Variants in SPOCK1 observed in about 807,000 individuals in gnomAD.
SPOCK1 encodes the protein SPARC (osteonectin), cwcv and kazal like domains proteoglycan 1.
In SPOCK1, 23 loss-of-function variants were observed where a neutral mutation model predicts 55.3. The ratio of observed to expected loss-of-function variants is 0.42; its 90% CI spans 0.30 to 0.59. The LOEUF is 0.59. SPOCK1 is among the 20% of genes least tolerant of loss of function. The pLI is 0.22. For missense variants in SPOCK1, 499 were observed against 552.5 expected (o/e 0.90, Z 0.97); for synonymous variants, 226 against 221.0 (o/e 1.02, Z -0.20).
chr5:137,006,435 G>A (rs1751249310), intron 6 of SPOCK1, among the ~76,000 whole-genome samples: 1 of 152,128 alleles, frequency 6.6e-6, no homozygotes, highest in African/African-American at 2.4e-5. Context: ...CTTATAAGTT[G>A]TATTCCTAGG....
chr5:137,254,259 T>G (rs1450806762), intron 3 of SPOCK1, among the ~76,000 whole-genome samples: 1 of 152,240 alleles, frequency 6.6e-6, no homozygotes, highest in Non-Finnish European at 1.5e-5. Flanking sequence ...TGGCTTAAAA[T>G]TAGGCATTCT....
chr5:137,328,437 G>C (rs1483066390), intron 2 of SPOCK1, among the ~76,000 whole-genome samples: 1 of 152,210 alleles, frequency 6.6e-6, no homozygotes, highest in African/African-American at 2.4e-5. Flanking sequence ...TCAGGGGAGA[G>C]AGCAAGTCAG....
At chr5:137,434,586 G>A (rs889444920) in intron 2 of SPOCK1, among the ~76,000 whole-genome samples, 4 of 127,332 alleles carry the variant, frequency 3.1e-5, no homozygotes, top group Non-Finnish European at 4.7e-5. Context: ...TGCAAGCTCC[G>A]CCTCCTGGGT....
At chr5:137,175,199 G>T (rs1472218460) in intron 3 of SPOCK1, among the ~76,000 whole-genome samples, 4 of 152,190 alleles carry the variant, frequency 2.6e-5, no homozygotes, top group Admixed American at 2.6e-4. Context: ...TGGAAAAGAG[G>T]GTGTTAGGAG....
intron 5 of SPOCK1, among the ~76,000 whole-genome samples, chr5:137,081,780 T>C (rs186806578): frequency 1.4e-4 from 22 of 152,366 alleles, no homozygotes; most frequent in African/African-American, 5.3e-4. Flanking sequence ...GATGCTGTAG[T>C]GCTGAACGAA....
chr5:137,406,490 G>A (rs76590937), intron 2 of SPOCK1, among the ~76,000 whole-genome samples: 2,101 of 152,240 alleles, frequency 0.014, 46 homozygotes, highest in African/African-American at 0.047. Context: ...AGTCTATCCC[G>A]AGCACTGGAT....
At chr5:137,479,169 C>T (rs1223650755) in intron 2 of SPOCK1, among the ~76,000 whole-genome samples, 2 of 151,788 alleles carry the variant, frequency 1.3e-5, no homozygotes, top group Non-Finnish European at 2.9e-5. Flanking sequence ...TCCACTTGGG[C>T]CTTTTCTCAG....
chr5:137,225,135 C>T (rs1170472171), intron 3 of SPOCK1, among the ~76,000 whole-genome samples: 1 of 151,954 alleles, frequency 6.6e-6, no homozygotes, highest in East Asian at 1.9e-4. Flanking sequence ...CCAGGTGATC[C>T]TGAAATCGGC....
At chr5:136,983,248 G>A (rs1750767586) in intron 9 of SPOCK1, among the ~76,000 whole-genome samples, 1 of 152,134 alleles carries the variant, frequency 6.6e-6, no homozygotes, top group Admixed American at 6.5e-5. Flanking sequence ...GTGTGGCATG[G>A]GAGGGACAGA....
rs541166860 is a variant in SPOCK1 at position 137,036,066 on chromosome 5, G to A, written c.589+31649C>T. On this transcript the variant is annotated intron_variant, in intron 6 of 10. Transcript: ENST00000394945. ...GGGGAGGCAGGAGAGAGCTGGGCTT[G>A]CATAGGAAATCATATGTCCCTGACA... Among the ~76,000 whole-genome samples, 8 of 152,262 alleles carry A rather than the reference G, an allele frequency of 5.3e-5. No homozygotes were observed. The East Asian group carries it at 1.5e-3, about 29-fold the overall frequency.
chr5:137,208,392 T>C (rs1314606312), intron 3 of SPOCK1, among the ~76,000 whole-genome samples: 1 of 152,086 alleles, frequency 6.6e-6, no homozygotes. Context: ...GCCACACAAC[T>C]CATAGATGGG....
chr5:137,276,261 G>A (rs1265529726), intron 2 of SPOCK1, among the ~76,000 whole-genome samples: 1 of 152,208 alleles, frequency 6.6e-6, no homozygotes, highest in Non-Finnish European at 1.5e-5. Flanking sequence ...TATTCCTTCT[G>A]TGCCTGAAAC....
intron 5 of SPOCK1, among the ~76,000 whole-genome samples, chr5:137,074,385 C>A (rs1752685234): frequency 6.6e-6 from 1 of 152,166 alleles, no homozygotes; most frequent in Admixed American, 6.5e-5. Flanking sequence ...TAAGAGAACA[C>A]CCCTTTTCTT....
intron 2 of SPOCK1, among the ~76,000 whole-genome samples, chr5:137,347,094 TGG>T (rs996405769): frequency 6.6e-6 from 1 of 152,162 alleles, no homozygotes; most frequent in Admixed American, 6.5e-5. Context: ...CTCTGTATCC[TGG>T]GTAGCCCTCC....
intron 3 of SPOCK1, among the ~76,000 whole-genome samples, chr5:137,167,047 C>T (rs866035594): frequency 4.6e-5 from 7 of 151,890 alleles, no homozygotes; most frequent in African/African-American, 1.4e-4. Flanking sequence ...TAAAAAAACA[C>T]TGAAAGATCT....
At chr5:137,128,641 C>T (rs1261351113) in intron 4 of SPOCK1, among the ~76,000 whole-genome samples, 1 of 152,242 alleles carries the variant, frequency 6.6e-6, no homozygotes, top group Non-Finnish European at 1.5e-5. Flanking sequence ...TGGGGCAGCA[C>T]TGCCCTGGTC....
intron 2 of SPOCK1, among the ~76,000 whole-genome samples, chr5:137,394,527 T>C (rs1751799973): frequency 6.6e-6 from 1 of 152,188 alleles, no homozygotes; most frequent in Non-Finnish European, 1.5e-5. Flanking sequence ...CACCACGCCT[T>C]ATAGCCTTCA....
intron 3 of SPOCK1, among the ~76,000 whole-genome samples, chr5:137,225,934 G>A (rs1755937448): frequency 6.6e-6 from 1 of 152,230 alleles, no homozygotes; most frequent in South Asian, 2.1e-4. Context: ...CCCCCAGAGA[G>A]CACCAGAAAT....
At chr5:137,421,523 G>A (rs1752494056) in intron 2 of SPOCK1, among the ~76,000 whole-genome samples, 1 of 152,168 alleles carries the variant, frequency 6.6e-6, no homozygotes, top group South Asian at 2.1e-4. Flanking sequence ...AGCTCTTCTT[G>A]TTGAATTGAT....
Sources: allele counts gnomAD v4.1 joint callset (sites outside exome capture counted in the v4.1 genomes callset), GRCh38; gene constraint gnomAD v4.1.1; transcripts MANE v1.5; gene names NCBI Gene and HGNC (gene_info 2026-07-23, HGNC 2026-07-21).